CSMD2: variants seen among roughly 807,000 people sequenced by gnomAD.
The protein encoded by CSMD2 is CUB and sushi domain-containing protein 2.
A neutral mutation model predicts 398.5 loss-of-function variants in CSMD2; 130 were observed. The observed-to-expected ratio is 0.33, with a 90% confidence interval of 0.28 to 0.38. The LOEUF is 0.38. CSMD2 is among the 10% of genes least tolerant of loss of function. The probability of loss-of-function intolerance (pLI) is 1.00; values close to 1 mark genes in which losing one functional copy is unlikely to be tolerated. For synonymous variants in CSMD2, 1,828 were observed against 1,908.5 expected (o/e 0.96, Z 1.10); for missense variants, 3,829 against 4,764.9 (o/e 0.80, Z 5.78).
chr1:33,825,180 G>A (rs1658650648), intron 7 of CSMD2, among the ~76,000 whole-genome samples: 1 of 151,720 alleles, frequency 6.6e-6, no homozygotes, highest in Non-Finnish European at 1.5e-5. Context: ...ATTGACCCGA[G>A]GCAGGACCCA....
At chr1:34,087,623 T>TAAC (rs1467359310) in intron 2 of CSMD2, among the ~76,000 whole-genome samples, 1 of 109,362 alleles carries the variant, frequency 9.1e-6, no homozygotes, top group African/African-American at 3.3e-5. Flanking sequence ...ATAATAATAA[T>TAAC]AATAATAATA....
At chr1:33,787,041 G>A (rs1456600783) in intron 12 of CSMD2, among the ~76,000 whole-genome samples, 1 of 152,192 alleles carries the variant, frequency 6.6e-6, no homozygotes, top group Non-Finnish European at 1.5e-5. Context: ...TAATATGCTG[G>A]TGTCCTTATA....
At chr1:33,887,328 C>T (rs898266005) in intron 5 of CSMD2, among the ~76,000 whole-genome samples, 1 of 151,762 alleles carries the variant, frequency 6.6e-6, no homozygotes, top group Non-Finnish European at 1.5e-5. Context: ...TAAATGTTCA[C>T]AGAAAGAGGA....
intron 5 of CSMD2, chr1:33,863,348 C>G (rs78188416): frequency 5.9e-5 from 9 of 152,170 alleles, no homozygotes; most frequent in Admixed American, 2.0e-4. Flanking sequence ...TGTTCTAAAC[C>G]TAAGAAATGG....
intron 1 of CSMD2, among the ~76,000 whole-genome samples, chr1:34,130,740 C>T (rs887744574): frequency 1.4e-4 from 22 of 152,098 alleles, no homozygotes. Context: ...CCCTGCCCTC[C>T]ACCCATCCTT....
chr1:33,536,664 G>T (rs893396115), intron 62 of CSMD2, among the ~76,000 whole-genome samples: 1 of 152,212 alleles, frequency 6.6e-6, no homozygotes, highest in Non-Finnish European at 1.5e-5. Context: ...GCACATGCTC[G>T]TTGCCACTGT....
At chr1:33,804,539 G>A (rs1655992308) in intron 10 of CSMD2, among the ~76,000 whole-genome samples, 1 of 148,280 alleles carries the variant, frequency 6.7e-6, no homozygotes, top group African/African-American at 2.5e-5. Context: ...CCTCCATCAG[G>A]ACTTACCTGC....
At chr1:33,613,382 T>C (rs1427472585) in intron 40 of CSMD2, among the ~76,000 whole-genome samples, 1 of 152,192 alleles carries the variant, frequency 6.6e-6, no homozygotes, top group Non-Finnish European at 1.5e-5. Context: ...GTCTCCCAGA[T>C]CCTCTTAATG....
chr1:33,851,329 C>T (rs976721170), intron 5 of CSMD2, among the ~76,000 whole-genome samples: 2 of 152,194 alleles, frequency 1.3e-5, no homozygotes, highest in African/African-American at 2.4e-5. Context: ...CCTCCCAGAG[C>T]ATCTCCTGTG....
chr1:33,527,551 C>T (rs1235166516), intron 64 of CSMD2, among the ~76,000 whole-genome samples: 2 of 152,104 alleles, frequency 1.3e-5, no homozygotes, highest in African/African-American at 4.8e-5. Flanking sequence ...TTTATTACTG[C>T]ATTAAATAAC....
intron 1 of CSMD2, among the ~76,000 whole-genome samples, chr1:34,135,560 G>A (rs887237791): frequency 1.4e-5 from 2 of 144,074 alleles, no homozygotes; most frequent in African/African-American, 2.6e-5. Flanking sequence ...GGAGGTTGCC[G>A]TGAGCAGAGA....
intron 56 of CSMD2, among the ~76,000 whole-genome samples, chr1:33,548,701 T>G (rs1421673437): frequency 6.6e-6 from 1 of 152,232 alleles, no homozygotes; most frequent in Non-Finnish European, 1.5e-5. Flanking sequence ...TTCTCATCCC[T>G]TATGTTCTCA....
At chr1:34,019,650 A>C (rs1648608401) in intron 3 of CSMD2, among the ~76,000 whole-genome samples, 1 of 152,094 alleles carries the variant, frequency 6.6e-6, no homozygotes, top group South Asian at 2.1e-4. Context: ...CCTTCCCCGC[A>C]GTCTGCCCCT....
At chr1:33,820,974 T>C (rs1658077260) in intron 7 of CSMD2, among the ~76,000 whole-genome samples, 1 of 151,914 alleles carries the variant, frequency 6.6e-6, no homozygotes, top group Non-Finnish European at 1.5e-5. Context: ...GATGGAGAAA[T>C]GACTCAAAGA....
chr1:34,019,701 A>G (rs4653375), intron 3 of CSMD2, among the ~76,000 whole-genome samples: 18,035 of 152,022 alleles, frequency 0.12, 1,180 homozygotes, highest in East Asian at 0.27. Context: ...TCACGGAGCC[A>G]CTTCCCTGCC....
chr1:34,073,777 A>C lies in CSMD2; in HGVS notation c.404+15200T>G, dbSNP rs151046944. On this transcript the variant is annotated intron_variant, in intron 2 of 70. Coordinates refer to ENST00000373381, the MANE Select transcript of CSMD2 (RefSeq NM_001281956.2). ...CCTGGCCCACCCCTCTTTAGCCACT[A>C]TGTTAGTCCATTCTTGCATTGCTGT... is the stretch of plus-strand genomic sequence containing the variant. Among the ~76,000 whole-genome samples, 1,411 of 152,306 alleles carry C rather than the reference A, an allele frequency of 9.3e-3. 16 individuals carry two copies. The highest frequency in any genetic ancestry group is 0.013 in the Admixed American group (201 of 15,308).
At chr1:33,679,661 A>T (rs1360236416) in intron 25 of CSMD2, among the ~76,000 whole-genome samples, 2 of 152,218 alleles carry the variant, frequency 1.3e-5, no homozygotes, top group African/African-American at 4.8e-5. Context: ...TTAAATAATC[A>T]TCAAATGGTA....
At chr1:34,090,568 T>C (rs138092316) in intron 1 of CSMD2, among the ~76,000 whole-genome samples, 47 of 151,616 alleles carry the variant, frequency 3.1e-4, no homozygotes, top group Middle Eastern at 3.4e-3. Flanking sequence ...GTGAATGGAA[T>C]CATGCCTCCA....
intron 14 of CSMD2, among the ~76,000 whole-genome samples, chr1:33,740,128 G>A (rs1043906324): frequency 2.0e-5 from 3 of 152,156 alleles, no homozygotes; most frequent in Non-Finnish European, 4.4e-5. Context: ...ATTGTTCGGT[G>A]CGGCACGTGA....
Sources: gnomAD v4.1 joint callset for allele counts (sites outside exome capture counted in the v4.1 genomes callset) on GRCh38, gnomAD v4.1.1 for gene constraint, MANE v1.5 for transcripts, NCBI Gene and HGNC (gene_info 2026-07-23, HGNC 2026-07-21) for gene names.